Variants in KAZN observed in about 807,000 individuals in gnomAD.
The protein encoded by KAZN is kazrin, periplakin interacting protein.
In KAZN, 40 loss-of-function variants were observed where a neutral mutation model predicts 87.4. That is an observed-to-expected ratio of 0.46 (90% CI 0.36 to 0.60). The LOEUF (loss-of-function observed/expected upper bound fraction) is 0.60, where lower values mean the gene tolerates loss of function less well. KAZN is among the 20% of genes least tolerant of loss of function. The pLI is 0.00. For missense variants in KAZN, 898 were observed against 1,073.9 expected, an observed-to-expected ratio of 0.84 and a Z score of 2.29; for synonymous variants, 466 against 458.3, an observed-to-expected ratio of 1.02 and a Z score of -0.22.
At chr1:14,715,339 G>C (rs1034947237) in intron 1 of KAZN, among the ~76,000 whole-genome samples, 2 of 152,220 alleles carry the variant, frequency 1.3e-5, no homozygotes, top group African/African-American at 4.8e-5. Context: ...CAGCCTGATG[G>C]GAGGGGCTGG....
intron 2 of KAZN, among the ~76,000 whole-genome samples, chr1:14,321,993 C>T (rs1450208725): frequency 6.6e-6 from 1 of 152,168 alleles, no homozygotes; most frequent in Non-Finnish European, 1.5e-5. Context: ...CAACAGTATA[C>T]ATTTCACATT....
At chr1:13,964,621 G>A (rs889431180) in intron 1 of KAZN, among the ~76,000 whole-genome samples, 14 of 152,280 alleles carry the variant, frequency 9.2e-5, no homozygotes, top group Middle Eastern at 3.4e-3. Flanking sequence ...GCTTGCTTTC[G>A]TGGTAGAAGC....
chr1:14,570,124 T>C (rs1231098528), intron 2 of KAZN, among the ~76,000 whole-genome samples: 2 of 152,002 alleles, frequency 1.3e-5, no homozygotes, highest in Non-Finnish European at 2.9e-5. Flanking sequence ...AAAAAATTAA[T>C]AATAAAAAAT....
chr1:14,498,281 G>A (rs934278778), intron 2 of KAZN, among the ~76,000 whole-genome samples: 6 of 152,220 alleles, frequency 3.9e-5, no homozygotes, highest in South Asian at 2.1e-4. Flanking sequence ...GTGCCAGGTC[G>A]TGTCCACTCA....
chr1:14,125,682 A>G (rs1166991633), intron 1 of KAZN, among the ~76,000 whole-genome samples: 1 of 152,102 alleles, frequency 6.6e-6, no homozygotes, highest in African/African-American at 2.4e-5. Context: ...GAACTGGAAG[A>G]TAGTAAACTT....
intron 1 of KAZN, among the ~76,000 whole-genome samples, chr1:14,169,877 G>A (rs564052891): frequency 1.3e-5 from 2 of 152,276 alleles, no homozygotes; most frequent in Non-Finnish European, 2.9e-5. Context: ...CTTCCCAACA[G>A]CTATTAGACA....
At chr1:15,029,662 T>C (rs913196399) in intron 2 of KAZN, among the ~76,000 whole-genome samples, 1 of 151,872 alleles carries the variant, frequency 6.6e-6, no homozygotes, top group Non-Finnish European at 1.5e-5. Flanking sequence ...GCTGGGGGGG[T>C]TCCCCTCCCA....
chr1:14,924,053 G>A (rs1658850096), intron 1 of KAZN: 2 of 898,848 alleles, frequency 2.2e-6, no homozygotes, highest in Non-Finnish European at 2.7e-6. Context: ...GCGGCGGGGC[G>A]GGGGCGGGGC....
chr1:13,943,183 A>C (rs116310107), intron 1 of KAZN, among the ~76,000 whole-genome samples: 12 of 152,348 alleles, frequency 7.9e-5, no homozygotes, highest in African/African-American at 1.7e-4. Context: ...AAACTTATGA[A>C]AATGAAAAAA....
At chr1:14,875,748 C>T (rs945564268) in intron 1 of KAZN, among the ~76,000 whole-genome samples, 1 of 152,166 alleles carries the variant, frequency 6.6e-6, no homozygotes, top group African/African-American at 2.4e-5. Context: ...AATCAGGGCT[C>T]CTTCGCCCAA....
intron 2 of KAZN, among the ~76,000 whole-genome samples, chr1:14,292,961 C>A (rs563019442): frequency 6.6e-6 from 1 of 152,202 alleles, no homozygotes; most frequent in Non-Finnish European, 1.5e-5. Flanking sequence ...AGGCAGACTT[C>A]ACAGATCCTG....
intron 2 of KAZN, among the ~76,000 whole-genome samples, chr1:14,424,333 G>A (rs1250070971): frequency 6.6e-6 from 1 of 152,218 alleles, no homozygotes; most frequent in African/African-American, 2.4e-5. Flanking sequence ...GAGCACAGAT[G>A]AGACAACCGT....
intron 1 of KAZN, among the ~76,000 whole-genome samples, chr1:14,106,918 C>T (rs930808794): frequency 4.6e-5 from 7 of 150,976 alleles, no homozygotes; most frequent in Non-Finnish European, 1.0e-4. Context: ...CATTGATACA[C>T]TCAACCACCC....
At chr1:13,908,322 A>G (rs1639521818) in intron 1 of KAZN, among the ~76,000 whole-genome samples, 1 of 152,212 alleles carries the variant, frequency 6.6e-6, no homozygotes, top group Non-Finnish European at 1.5e-5. Context: ...TTTGAGGGTA[A>G]TGAGAGAGGT....
chr1:15,106,485 G>T (rs1276330857), intron 13 of KAZN, among the ~76,000 whole-genome samples: 1 of 152,094 alleles, frequency 6.6e-6, no homozygotes, highest in Admixed American at 6.5e-5. Flanking sequence ...TTAAACTCTT[G>T]ACCACTCATG....
rs890294664 is a variant in KAZN, at chr1:14,312,703, G to C, written c.249+132111G>C. Among the ~76,000 whole-genome samples, 17 of 152,212 alleles carry C rather than the reference G, an allele frequency of 1.1e-4. No individual in the cohort carries two copies. The East Asian group carries it at 1.2e-3, about 10-fold the overall frequency. On this transcript the variant is annotated intron_variant, in intron 2 of 16. Transcript: ENST00000636203. Reference sequence around the variant, plus strand: ...TATGACAAGTGATGAGATATCACTTGAATGATTGGGTTACAGAAGATGGTG... The same window carrying C: ...TATGACAAGTGATGAGATATCACTTCAATGATTGGGTTACAGAAGATGGTG...
rs186241513 is a variant in KAZN at position 14,483,348 on chromosome 1, G to C, written c.250-115635G>C. On this transcript the variant is annotated intron_variant, in intron 2 of 16. Transcript: ENST00000636203. ...GCGTCAGAGGGGAGCAAAAACATCA[G>C]CAAGAGGGCCCATTACCGAAAGTGA... Among the ~76,000 whole-genome samples, 41 of 152,262 alleles carry C rather than the reference G, an allele frequency of 2.7e-4. No individual in the cohort carries two copies. The East Asian group carries it at 7.7e-3, about 29-fold the overall frequency.
chr1:14,665,559 A>G (rs1453798106), intron 1 of KAZN, among the ~76,000 whole-genome samples: 2 of 151,988 alleles, frequency 1.3e-5, no homozygotes, highest in Non-Finnish European at 2.9e-5. Context: ...GGGTGTGGGG[A>G]GGCAGAATAG....
intron 1 of KAZN, among the ~76,000 whole-genome samples, chr1:14,863,350 C>G (rs951923437): frequency 1.1e-4 from 17 of 152,196 alleles, no homozygotes; most frequent in African/African-American, 4.1e-4. Context: ...AGCAGACACT[C>G]TGTCCCTCCG....
Sources: gnomAD v4.1 joint callset for allele counts (sites outside exome capture counted in the v4.1 genomes callset) on GRCh38, gnomAD v4.1.1 for gene constraint, MANE v1.5 for transcripts, NCBI Gene and HGNC (gene_info 2026-07-23, HGNC 2026-07-21) for gene names.